Variants in DAB1 observed in about 807,000 individuals in gnomAD.
The protein encoded by DAB1 is DAB adaptor protein 1.
A neutral mutation model predicts 64.6 loss-of-function variants in DAB1; 15 were observed. The ratio of observed to expected loss-of-function variants is 0.23; its 90% CI spans 0.16 to 0.36. DAB1 has a LOEUF of 0.36. Among genes scored for constraint, DAB1 ranks in the 10% least tolerant of loss-of-function variants. The probability of loss-of-function intolerance (pLI) is 1.00; values close to 1 mark genes in which losing one functional copy is unlikely to be tolerated. For synonymous variants in DAB1, 235 were observed against 251.9 expected (o/e 0.93, Z 0.64); for missense variants, 596 against 706.7 (o/e 0.84, Z 1.78).
At chr1:57,516,661 A>T (rs960713741) in intron 7 of DAB1, among the ~76,000 whole-genome samples, 3 of 152,202 alleles carry the variant, frequency 2.0e-5, no homozygotes, top group Non-Finnish European at 4.4e-5. Context: ...TCCCTCATGG[A>T]GTCCTTCTTT....
chr1:57,654,286 C>T (rs1185655600), intron 6 of DAB1, among the ~76,000 whole-genome samples: 1 of 151,988 alleles, frequency 6.6e-6, no homozygotes, highest in African/African-American at 2.4e-5. Context: ...CATGGAAAAA[C>T]TGGAAGCAGA....
intron 3 of DAB1, among the ~76,000 whole-genome samples, chr1:58,434,943 C>A (rs940336521): frequency 1.3e-5 from 2 of 152,194 alleles, no homozygotes; most frequent in African/African-American, 2.4e-5. Flanking sequence ...TCAAAGACTT[C>A]CAGTGAAGGA....
chr1:57,016,266 C>A (rs981062757), intron 11 of DAB1, among the ~76,000 whole-genome samples: 2 of 151,810 alleles, frequency 1.3e-5, no homozygotes, highest in Non-Finnish European at 2.9e-5. Context: ...TATTATTATT[C>A]TTATTCCAAT....
At chr1:57,465,775 A>G (rs1195985064) in intron 7 of DAB1, among the ~76,000 whole-genome samples, 1 of 152,204 alleles carries the variant, frequency 6.6e-6, no homozygotes, top group Non-Finnish European at 1.5e-5. Context: ...GAATGAATGA[A>G]TGAGTGAATC....
At chr1:58,422,787 A>C (rs1027798657) in intron 3 of DAB1, among the ~76,000 whole-genome samples, 2 of 151,172 alleles carry the variant, frequency 1.3e-5, no homozygotes, top group Non-Finnish European at 2.9e-5. Flanking sequence ...TTTGGTGGAC[A>C]GTGGAGCCTC....
chr1:57,302,206 C>A (rs1003058633), intron 1 of DAB1, among the ~76,000 whole-genome samples: 1 of 152,112 alleles, frequency 6.6e-6, no homozygotes, highest in Admixed American at 6.5e-5. Context: ...CAGCAATAAC[C>A]GTGTTTTCCT....
At chr1:57,212,207 C>T (rs1033100541) in intron 2 of DAB1, among the ~76,000 whole-genome samples, 4 of 152,026 alleles carry the variant, frequency 2.6e-5, no homozygotes, top group African/African-American at 7.2e-5. Flanking sequence ...CTAGCCCATC[C>T]CCCTGTTTTA....
At chr1:57,593,373 A>G (rs1192179178) in intron 7 of DAB1, among the ~76,000 whole-genome samples, 1 of 152,228 alleles carries the variant, frequency 6.6e-6, no homozygotes, top group African/African-American at 2.4e-5. Context: ...TCTACTGTAC[A>G]TGTAGACCAC....
chr1:57,572,079 G>T (rs2101535141), intron 7 of DAB1, among the ~76,000 whole-genome samples: 1 of 152,316 alleles, frequency 6.6e-6, no homozygotes, highest in South Asian at 2.1e-4. Flanking sequence ...TAGCAGTAAA[G>T]AAGTGAGGAA....
chr1:57,062,570 A>G (rs1487280745), intron 9 of DAB1, among the ~76,000 whole-genome samples: 5 of 152,214 alleles, frequency 3.3e-5, no homozygotes, highest in African/African-American at 1.2e-4. Context: ...CTTCTAAACC[A>G]TGGCTGGAGA....
chr1:57,100,415 C>G (rs1654561850), intron 4 of DAB1, among the ~76,000 whole-genome samples: 1 of 152,142 alleles, frequency 6.6e-6, no homozygotes, highest in African/African-American at 2.4e-5. Flanking sequence ...TTTAGCAGCA[C>G]TGACTGACTG....
intron 5 of DAB1, among the ~76,000 whole-genome samples, chr1:57,935,171 A>T (rs1359400662): frequency 6.6e-6 from 1 of 152,188 alleles, no homozygotes; most frequent in Non-Finnish European, 1.5e-5. Flanking sequence ...CCATGAGAAG[A>T]AGGAGGGTTT....
chr1:58,049,410 A>C, intron 5 of DAB1: 1 of 452,604 alleles, frequency 2.2e-6, no homozygotes, highest in Non-Finnish European at 4.1e-6. Context: ...TCCGATAATA[A>C]TTATGCTCAG....
chr1:57,460,841 T>C (rs1048961788), intron 7 of DAB1, among the ~76,000 whole-genome samples: 3 of 152,146 alleles, frequency 2.0e-5, no homozygotes, highest in African/African-American at 7.2e-5. Flanking sequence ...AATTAAGCCA[T>C]CCATTAGGTG....
At chr1:58,168,014 GGACTATC>G (rs1655958188) in intron 4 of DAB1, among the ~76,000 whole-genome samples, 1 of 152,136 alleles carries the variant, frequency 6.6e-6, no homozygotes, top group African/African-American at 2.4e-5. Context: ...AACCCAGATG[GGACTATC>G]GACTATCGCC....
upstream of DAB1, among the ~76,000 whole-genome samples, chr1:57,887,314 T>C (rs1481555030): frequency 1.3e-5 from 2 of 152,156 alleles, no homozygotes; most frequent in Non-Finnish European, 2.9e-5. Flanking sequence ...GGGGACTATA[T>C]CTTAATCCCT....
At chr1:57,774,478 G>C (rs1041680486) in intron 6 of DAB1, among the ~76,000 whole-genome samples, 3 of 151,752 alleles carry the variant, frequency 2.0e-5, no homozygotes, top group African/African-American at 7.2e-5. Flanking sequence ...GAATAGAAAT[G>C]ATGAAAGTGA....
intron 14 of DAB1, among the ~76,000 whole-genome samples, chr1:57,008,391 G>A (rs1027315663): frequency 2.6e-5 from 4 of 152,104 alleles, no homozygotes; most frequent in South Asian, 4.1e-4. Flanking sequence ...AGTGGGGAGC[G>A]TGCATTAATT....
intron 6 of DAB1, among the ~76,000 whole-genome samples, chr1:57,695,361 GA>G (rs1553119650): frequency 1.5e-5 from 1 of 68,628 alleles, no homozygotes; most frequent in Non-Finnish European, 3.0e-5. Flanking sequence ...AGAAAAGAAA[GA>G]AGAAAGAAAG....
Sources: allele counts gnomAD v4.1 joint callset (sites outside exome capture counted in the v4.1 genomes callset), GRCh38; gene constraint gnomAD v4.1.1; transcripts MANE v1.5; gene names NCBI Gene and HGNC (gene_info 2026-07-23, HGNC 2026-07-21).